Variants in GRK5 observed in about 807,000 individuals in gnomAD.
GRK5 encodes the protein G protein-coupled receptor kinase 5.
GRK5 carries 40 observed loss-of-function variants against 78.4 expected under a neutral mutation model. The ratio of observed to expected loss-of-function variants is 0.51; its 90% confidence interval spans 0.40 to 0.66. The LOEUF is 0.66. Among genes scored for constraint, GRK5 ranks in the 30% least tolerant of loss-of-function variants. The pLI, the probability that GRK5 is intolerant of heterozygous loss-of-function variation, is 0.00. For synonymous variants in GRK5, 289 were observed against 296.8 expected, an observed-to-expected ratio of 0.97 and a Z score of 0.27; for missense variants, 598 against 759.9, an observed-to-expected ratio of 0.79 and a Z score of 2.50.
chr10:119,374,709 C>T (rs1157454883), intron 2 of GRK5, among the ~76,000 whole-genome samples: 1 of 152,218 alleles, frequency 6.6e-6, no homozygotes, highest in Non-Finnish European at 1.5e-5. Context: ...GCCTAAGTCT[C>T]ATGTTGAGAT....
Position 119,378,685 on chromosome 10 carries a change from C to T in GRK5, c.149-2130C>T, listed in dbSNP as rs1187678848. On this transcript the variant is annotated intron_variant, in intron 2 of 15. Coordinates refer to ENST00000392870, the MANE Select transcript of GRK5 (RefSeq NM_005308.3). The surrounding 1 kb of genome is among the most constrained non-coding windows in gnomAD (Gnocchi z 4.5). ...TGTGTGCGGGCTGCGCCTCCGTGGG[C>T]TCTCGCTGCGTGGGGGGAAGGCGGT... Among the ~76,000 whole-genome samples the T allele has an allele frequency of 2.6e-5, 4 of 152,374 alleles. No individual in the cohort carries two copies. In the East Asian group the frequency reaches 5.8e-4, roughly 22 times the overall value.
intron 1 of GRK5, among the ~76,000 whole-genome samples, chr10:119,290,703 C>G (rs917119241): frequency 6.6e-6 from 1 of 151,878 alleles, no homozygotes; most frequent in Admixed American, 6.6e-5. Context: ...CTTGTCCTTC[C>G]GAGTCCCTCT....
chr10:119,209,255 G>A (rs1173063732), intron 1 of GRK5, among the ~76,000 whole-genome samples: 8 of 152,118 alleles, frequency 5.3e-5, no homozygotes, highest in Non-Finnish European at 1.2e-4. Context: ...AACTCAACCC[G>A]GCATTCGTGT....
At chr10:119,389,959 GC>G (rs1851862185) in intron 3 of GRK5, among the ~76,000 whole-genome samples, 1 of 152,218 alleles carries the variant, frequency 6.6e-6, no homozygotes. Flanking sequence ...GATTCCAGGA[GC>G]CAGGAGCTTA....
At chr10:119,326,466 G>GC (rs1398691782) in intron 1 of GRK5, 50 bp from the exon 2 acceptor site, 6 of 1,487,924 alleles carry the variant, frequency 4.0e-6, no homozygotes. Flanking sequence ...CTGCGGGGAC[G>GC]CCGCAGGCTC....
chr10:119,409,634 G>A (rs1003389507), intron 4 of GRK5, among the ~76,000 whole-genome samples: 3 of 152,182 alleles, frequency 2.0e-5, no homozygotes, highest in African/African-American at 7.2e-5. Context: ...TGGACCTTGG[G>A]CAGAGAAGTG....
At chr10:119,361,076 C>T (rs1279165786) in intron 2 of GRK5, among the ~76,000 whole-genome samples, 1 of 152,188 alleles carries the variant, frequency 6.6e-6, no homozygotes, top group Non-Finnish European at 1.5e-5. Flanking sequence ...AAGACCTGGA[C>T]GCAGATCCCA....
intron 2 of GRK5, among the ~76,000 whole-genome samples, chr10:119,360,767 C>T (rs1377948755): frequency 1.3e-5 from 2 of 152,184 alleles, no homozygotes; most frequent in East Asian, 3.8e-4. Context: ...CCTCCTCTTC[C>T]ACACCCGGCC....
In GRK5 at chr10:119,432,531, G is replaced by A. The variant is rs922543456; in HGVS notation, c.738+1004G>A. Among the ~76,000 whole-genome samples, 41 of 152,250 alleles carry A rather than the reference G, an allele frequency of 2.7e-4. 1 individual carries two copies. The highest frequency in any genetic ancestry group is 9.9e-4 in the African/African-American group (41 of 41,534). On this transcript the variant is annotated intron_variant, in intron 8 of 15. Coordinates refer to ENST00000392870, the MANE Select transcript of GRK5 (RefSeq NM_005308.3). Reference sequence around the variant, plus strand: ...AGCACAGAAGGATACACAATAAAACGAAAAGCTTCCCTCTTTGAGTAATCA... The same window carrying A: ...AGCACAGAAGGATACACAATAAAACAAAAAGCTTCCCTCTTTGAGTAATCA...
intron 4 of GRK5, among the ~76,000 whole-genome samples, chr10:119,404,837 G>A (rs781415373): frequency 2.6e-5 from 4 of 152,228 alleles, no homozygotes; most frequent in Non-Finnish European, 5.9e-5. Context: ...GCCTCTTACA[G>A]ACTTGCTCCT....
At chr10:119,275,007 G>T (rs1233323518) in intron 1 of GRK5, among the ~76,000 whole-genome samples, 2 of 152,188 alleles carry the variant, frequency 1.3e-5, no homozygotes, top group Non-Finnish European at 2.9e-5. Flanking sequence ...AGCTTCCTAA[G>T]CACTCAGCTT....
intron 3 of GRK5, among the ~76,000 whole-genome samples, chr10:119,391,109 A>T (rs755581986): frequency 1.3e-5 from 2 of 152,216 alleles, no homozygotes; most frequent in African/African-American, 4.8e-5. Flanking sequence ...TCTCCACCCA[A>T]TGTGGACAGG....
chr10:119,363,594 G>A (rs746892390), intron 2 of GRK5, among the ~76,000 whole-genome samples: 39 of 152,170 alleles, frequency 2.6e-4, no homozygotes, highest in African/African-American at 5.1e-4. Context: ...CTGTCTGCAT[G>A]GTCACCCAGT....
At chr10:119,285,688 G>A (rs936346697) in intron 1 of GRK5, among the ~76,000 whole-genome samples, 6 of 152,122 alleles carry the variant, frequency 3.9e-5, no homozygotes, top group Admixed American at 6.6e-5. Flanking sequence ...GAAATGGGGC[G>A]GTGACACGGT....
chr10:119,379,962 C>T lies in GRK5; in HGVS notation c.149-853C>T, dbSNP rs540575331. Among the ~76,000 whole-genome samples, 1 of 152,258 alleles carries T rather than the reference C, an allele frequency of 6.6e-6. No individual in the cohort carries two copies. Among genetic ancestry groups the T allele is most frequent in the South Asian group, 2.1e-4 (1 of 4,818 alleles). The stretch of plus-strand genomic sequence containing the variant: ...TGCAGTATTTCCTCTTCAGAACCCT[C>T]TTGGCTATTGAGTGGGTAAGCGCGG... On this transcript the variant is annotated intron_variant, in intron 2 of 15. Transcript: ENST00000392870. The surrounding 1 kb of genome is among the most constrained non-coding windows in gnomAD (Gnocchi z 4.1).
chr10:119,413,032 G>C (rs930504810), intron 4 of GRK5, among the ~76,000 whole-genome samples: 2 of 152,112 alleles, frequency 1.3e-5, no homozygotes, highest in South Asian at 2.1e-4. Context: ...CTGGATTCTT[G>C]GCAGCAAGTG....
At chr10:119,281,516 T>C (rs937370690) in intron 1 of GRK5, among the ~76,000 whole-genome samples, 6 of 152,218 alleles carry the variant, frequency 3.9e-5, no homozygotes, top group Non-Finnish European at 5.9e-5. Context: ...GGTGCTTGTA[T>C]GCGGATGCTT....
rs1184464772 is a variant in GRK5 at position 119,378,166 on chromosome 10, T to A, written c.149-2649T>A. On this transcript the variant is annotated intron_variant, in intron 2 of 15. Transcript: ENST00000392870. The surrounding 1 kb of genome is among the most constrained non-coding windows in gnomAD (Gnocchi z 4.5). Reference sequence around the variant, plus strand: ...CTCCTGCTGACCTCTCCAATCTGAGTCCAAGCTCCCTGCGGGCTGGGACCA... The same window carrying A: ...CTCCTGCTGACCTCTCCAATCTGAGACCAAGCTCCCTGCGGGCTGGGACCA... 1.3e-5 allele frequency: 2 copies of A among 152,540 alleles called. No homozygotes were observed. Among genetic ancestry groups the A allele is most frequent in the Non-Finnish European group, 2.9e-5 (2 of 68,122 alleles). 9.4% of individuals were successfully genotyped at this position (152,540 alleles called of 1,614,324 possible). A position where few individuals can be genotyped will look rare whatever the true frequency, so the allele number is the denominator to read the frequency against.
chr10:119,429,992 C>G (rs1852782390), intron 6 of GRK5, among the ~76,000 whole-genome samples: 1 of 152,108 alleles, frequency 6.6e-6, no homozygotes, highest in Non-Finnish European at 1.5e-5. Flanking sequence ...GGCTCCTGGC[C>G]CCCACCCCTT....
Sources: gnomAD v4.1 joint callset for allele counts (sites outside exome capture counted in the v4.1 genomes callset) on GRCh38, gnomAD v4.1.1 for gene constraint, Gnocchi (gnomAD v3.1) non-coding constraint, MANE v1.5 for transcripts, NCBI Gene and HGNC (gene_info 2026-07-23, HGNC 2026-07-21) for gene names.